Variants in MID1 observed in about 807,000 individuals in gnomAD.
MID1 encodes the protein E3 ubiquitin-protein ligase Midline-1.
In MID1, 7 loss-of-function variants were observed where a neutral mutation model predicts 40.4. The ratio of observed to expected loss-of-function variants is 0.17; its 90% CI spans 0.10 to 0.33. The LOEUF (loss-of-function observed/expected upper bound fraction) is 0.33, where lower values mean the gene tolerates loss of function less well. MID1 is among the 10% of genes least tolerant of loss of function. The pLI, the probability that MID1 is intolerant of heterozygous loss-of-function variation, is 1.00. For synonymous variants in MID1, 229 were observed against 221.2 expected, an observed-to-expected ratio of 1.04 and a Z score of -0.31; for missense variants, 367 against 558.5, an observed-to-expected ratio of 0.66 and a Z score of 3.46.
At chrX:10,751,039 C>T (rs1047672025) in intron 1 of MID1, among the ~76,000 whole-genome samples, 23 of 110,506 alleles carry the variant, frequency 2.1e-4, no homozygotes, top group African/African-American at 7.2e-4. Context: ...CTGAGACAGG[C>T]GGATCACTTG....
intron 1 of MID1, among the ~76,000 whole-genome samples, chrX:10,802,488 G>C (rs187933291): frequency 8.9e-6 from 1 of 111,875 alleles, no homozygotes; most frequent in African/African-American, 3.3e-5. Context: ...ACACCAGTCA[G>C]AATGGCTATT....
At chrX:10,798,159 T>C (rs1247455822) in intron 1 of MID1, among the ~76,000 whole-genome samples, 1 of 112,210 alleles carries the variant, frequency 8.9e-6, no homozygotes, top group Non-Finnish European at 1.9e-5. Flanking sequence ...ATGTTCTCTT[T>C]TCAGAGCAAT....
intron 1 of MID1, among the ~76,000 whole-genome samples, chrX:10,628,353 G>T (rs777655077): frequency 9.0e-6 from 1 of 110,945 alleles, no homozygotes; most frequent in East Asian, 2.8e-4. Context: ...TTCAAATGAG[G>T]CTTCATTTTA....
chrX:10,826,664 A>G (rs777450792), intron 1 of MID1, among the ~76,000 whole-genome samples: 1 of 111,885 alleles, frequency 8.9e-6, no homozygotes, highest in Admixed American at 9.5e-5. Context: ...CTTTCTCTGT[A>G]GCAGATCAGC....
intron 1 of MID1, among the ~76,000 whole-genome samples, chrX:10,832,738 T>C (rs916859778): frequency 1.1e-4 from 12 of 112,105 alleles, no homozygotes; most frequent in African/African-American, 3.9e-4. Context: ...AGCTGAAACA[T>C]TTTTTTTCCT....
At chrX:10,695,021 T>A (rs1429737206) in intron 1 of MID1, among the ~76,000 whole-genome samples, 1 of 111,961 alleles carries the variant, frequency 8.9e-6, no homozygotes, top group Non-Finnish European at 1.9e-5. Context: ...TCTGCTAAGA[T>A]ATAGAGTAGG....
At chrX:10,518,605 A>G (rs1932564308) in intron 3 of MID1, among the ~76,000 whole-genome samples, 1 of 111,907 alleles carries the variant, frequency 8.9e-6, no homozygotes, top group South Asian at 3.7e-4. Context: ...CATTCATTAT[A>G]GGAGAATTGG....
rs184132391 is a variant in MID1, at chrX:10,659,083, A to G, written c.-186-38664T>C. Among the ~76,000 whole-genome samples the G allele has an allele frequency of 4.9e-4, 55 of 111,803 alleles. 1 individual carries two copies. In the East Asian group the frequency reaches 0.012, roughly 25 times the overall value. On this transcript the variant is annotated intron_variant, in intron 1 of 10. Coordinates refer to the MID1 transcript ENST00000380785. ...CTTACAGTCTTTGGAGCACAAATCA[A>G]TGTAGCAATGTAGCCAACAAAGGAT...
At chrX:10,565,878 T>C (rs1934513910) in intron 2 of MID1, among the ~76,000 whole-genome samples, 1 of 108,769 alleles carries the variant, frequency 9.2e-6, no homozygotes, top group Non-Finnish European at 1.9e-5. Flanking sequence ...GGCGCGATCT[T>C]GGGTCACTGC....
At chrX:10,764,348 G>A (rs761611012) in intron 1 of MID1, among the ~76,000 whole-genome samples, 5 of 111,357 alleles carry the variant, frequency 4.5e-5, no homozygotes. Context: ...TTTATATAAG[G>A]TGTAAGGAAG....
Position 10,449,296 on chromosome X carries a change from G to T in MID1, c.*72C>A. ...ATTTCATTACACTCATGAAGCCTGT[G>T]CTTTCTCAGTCCCCTAAATAGTGGC... is the stretch of plus-strand genomic sequence containing the variant. On this transcript the variant is annotated 3_prime_UTR_variant, in exon 10 of 10. Transcript: ENST00000317552. 1 of 918,355 alleles carries T rather than the reference G, an allele frequency of 1.1e-6. No homozygotes were observed. The highest frequency in any genetic ancestry group is 1.6e-6 in the Non-Finnish European group (1 of 644,740). 75.7% of individuals were successfully genotyped at this position (918,355 alleles called of 1,213,427 possible).
chrX:10,682,342 CT>C (rs59216946), intron 1 of MID1, among the ~76,000 whole-genome samples: 8,903 of 106,801 alleles, frequency 0.083, 750 homozygotes, highest in African/African-American at 0.25. Flanking sequence ...TTCTTTTTAT[CT>C]TTTTTTTTTC....
chrX:10,556,461 C>G (rs1488887144), intron 2 of MID1, among the ~76,000 whole-genome samples: 2 of 111,969 alleles, frequency 1.8e-5, no homozygotes, highest in African/African-American at 6.5e-5. Flanking sequence ...ATCAAAGTTT[C>G]CACCCAATTA....
At chrX:10,530,803 A>G (rs948222480) in intron 2 of MID1, among the ~76,000 whole-genome samples, 1 of 112,109 alleles carries the variant, frequency 8.9e-6, no homozygotes, top group African/African-American at 3.2e-5. Flanking sequence ...TCAAATAGCA[A>G]GGGAAGCAGA....
rs1460672606 is a variant in MID1, at chrX:10,447,557, C to T, written c.*1811G>A. 1.8e-5 allele frequency: 2 copies of T among 111,896 alleles called. No homozygotes were observed. Among genetic ancestry groups the T allele is most frequent in the African/African-American group, 6.5e-5 (2 of 30,812 alleles). 9.2% of individuals were successfully genotyped at this position (111,896 alleles called of 1,213,427 possible). A position where few individuals can be genotyped will look rare whatever the true frequency, so the allele number is the denominator to read the frequency against. Reference sequence around the variant, plus strand: ...ATAAAAAGAAAAACCTATAAGGTTTCCAGAGAAAGATTGTTTTTTTTCCAT... The same window carrying T: ...ATAAAAAGAAAAACCTATAAGGTTTTCAGAGAAAGATTGTTTTTTTTCCAT... On this transcript the variant is annotated 3_prime_UTR_variant, in exon 10 of 10. Transcript: ENST00000317552.
At chrX:10,742,243 A>T (rs1041375860) in intron 1 of MID1, among the ~76,000 whole-genome samples, 15 of 112,006 alleles carry the variant, frequency 1.3e-4, no homozygotes, top group African/African-American at 4.9e-4. Context: ...CATTTTAATA[A>T]AGATCAAAGA....
intron 1 of MID1, among the ~76,000 whole-genome samples, chrX:10,777,242 A>G (rs1434566815): frequency 1.1e-5 from 1 of 94,795 alleles, no homozygotes. Context: ...TCTGTCGCCC[A>G]GGCTGGAGTG....
intron 1 of MID1, among the ~76,000 whole-genome samples, chrX:10,652,427 C>T (rs1186361110): frequency 9.0e-6 from 1 of 111,508 alleles, no homozygotes; most frequent in African/African-American, 3.3e-5. Context: ...TGAAAACACA[C>T]CCAGAATCTG....
intron 1 of MID1, among the ~76,000 whole-genome samples, chrX:10,830,715 G>A (rs925395540): frequency 3.1e-4 from 35 of 112,358 alleles, no homozygotes; most frequent in African/African-American, 1.0e-3. Context: ...TTTGAGAAAG[G>A]GAAGTATAAG....
Sources: allele counts gnomAD v4.1 joint callset (sites outside exome capture counted in the v4.1 genomes callset), GRCh38; gene constraint gnomAD v4.1.1; transcripts MANE v1.5; gene names NCBI Gene and HGNC (gene_info 2026-07-23, HGNC 2026-07-21).